C4orf50: variants seen among roughly 807,000 people sequenced by gnomAD.
C4orf50 encodes the protein uncharacterized protein C4orf50.
In C4orf50, 80 loss-of-function variants were observed where a neutral mutation model predicts 77.2. That is an observed-to-expected ratio of 1.04 (90% CI 0.87 to 1.25). The LOEUF is 1.25. Among genes scored for constraint, C4orf50 ranks in the 50% most tolerant of loss-of-function variants. The pLI is 0.00. For missense variants in C4orf50, 1,257 were observed against 1,152.9 expected (o/e 1.09, Z -1.31); for synonymous variants, 532 against 465.3 (o/e 1.14, Z -1.84).
rs1484225537 is a variant in C4orf50 at position 5,967,342 on chromosome 4, C to G, written c.4153+72G>C. ...AGTGGGCATCTCCCCTCTGGCCCACCTCTCACAGCGTCCTGCCGGCCTGGA... is the reference window on the plus strand; with the variant it reads ...AGTGGGCATCTCCCCTCTGGCCCACGTCTCACAGCGTCCTGCCGGCCTGGA... On this transcript the variant is annotated intron_variant, in intron 32 of 33. Transcript: ENST00000531445. 2.4e-6 allele frequency: 3 copies of G among 1,256,546 alleles called. No individual in the cohort carries two copies. The East Asian group carries it at 6.9e-5, about 29-fold the overall frequency. 77.8% of individuals were successfully genotyped at this position (1,256,546 alleles called of 1,614,324 possible).
chr4:6,009,162 C>T lies in C4orf50; in HGVS notation c.427-630G>A, dbSNP rs1400843103. The stretch of plus-strand genomic sequence containing the variant: ...AGGATGCCAAGCGCCTTGTATCTGA[C>T]TCAGGCCTTTTCTTCTTTCATCTGC... On this transcript the variant is annotated intron_variant, in intron 24 of 33. Coordinates refer to ENST00000531445, the Ensembl canonical transcript of C4orf50. This position sits in a 1 kb window ranked among gnomAD's most constrained non-coding sequence, Gnocchi z 5.6. Among the ~76,000 whole-genome samples the T allele has an allele frequency of 6.6e-6, 1 of 152,216 alleles. No individual in the cohort carries two copies. The highest frequency in any genetic ancestry group is 1.5e-5 in the Non-Finnish European group (1 of 68,046).
At chr4:5,944,965 A>G (rs896515963) in intron 7 of C4orf50, among the ~76,000 whole-genome samples, 1 of 152,204 alleles carries the variant, frequency 6.6e-6, no homozygotes, top group Non-Finnish European at 1.5e-5. Context: ...ACTGAGGCAC[A>G]GGGCCACCAA....
intron 31 of C4orf50, among the ~76,000 whole-genome samples, chr4:5,969,564 C>G (rs1275313579): frequency 6.6e-6 from 1 of 151,954 alleles, no homozygotes; most frequent in Non-Finnish European, 1.5e-5. Context: ...ATGCCCAAGG[C>G]CCCTGGCTGC....
chr4:5,994,331 C>T lies in C4orf50; in HGVS notation c.1093+16G>A, dbSNP rs914544061. On this transcript the variant is annotated intron_variant, in intron 26 of 33. Coordinates refer to ENST00000531445, the Ensembl canonical transcript of C4orf50. The stretch of plus-strand genomic sequence containing the variant: ...TGCCCGCGACTCGTCCTCCACGCAC[C>T]GCGGTACCCGCGCACCTGCTGGGGC... 7 of 399,116 alleles carry T rather than the reference C, an allele frequency of 1.8e-5. No homozygotes were observed. Among genetic ancestry groups the T allele is most frequent in the Non-Finnish European group, 2.2e-5 (5 of 226,194 alleles). The allele number at this position is 399,116 out of a possible 1,614,324, so 24.7% of individuals were successfully genotyped here.
At chr4:5,993,071 G>A in intron 26 of C4orf50, 141 bp from the exon 5 acceptor site, 1 of 393,914 alleles carries the variant, frequency 2.5e-6, no homozygotes, top group East Asian at 3.6e-5. Flanking sequence ...AGGGCAGCCT[G>A]ATGACCACCA....
At chr4:5,991,066 A>G (rs1003075052) in intron 27 of C4orf50, among the ~76,000 whole-genome samples, 2 of 152,212 alleles carry the variant, frequency 1.3e-5, no homozygotes, top group African/African-American at 2.4e-5. Context: ...TCACATCTCA[A>G]TGCAAATGTG....
At chr4:5,987,439 T>C (rs1387848456) in intron 28 of C4orf50, among the ~76,000 whole-genome samples, 120 of 100,098 alleles carry the variant, frequency 1.2e-3, no homozygotes, top group African/African-American at 4.1e-3. Context: ...AAAAAAAGAA[T>C]ACAATAAAGG....
At chr4:5,984,172 T>C (rs539235665) in intron 28 of C4orf50, among the ~76,000 whole-genome samples, 11 of 152,374 alleles carry the variant, frequency 7.2e-5, no homozygotes, top group African/African-American at 2.4e-4. Context: ...AAGAATAAGA[T>C]GATCTGCTGA....
downstream of C4orf50, among the ~76,000 whole-genome samples, chr4:5,953,912 C>T (rs1198249065): frequency 6.6e-6 from 1 of 152,250 alleles, no homozygotes; most frequent in South Asian, 2.1e-4. Flanking sequence ...GCACTGTTTC[C>T]TCTAGACAGG....
chr4:5,981,741 G>A (rs976407299), intron 28 of C4orf50, among the ~76,000 whole-genome samples: 3 of 152,150 alleles, frequency 2.0e-5, no homozygotes, highest in African/African-American at 7.2e-5. Flanking sequence ...TCATGCTGCT[G>A]AGGCGGCCTT....
Position 5,973,860 on chromosome 4 carries a change from A to T in C4orf50, c.3922-19T>A, listed in dbSNP as rs1270061539. 6.9e-6 allele frequency: 11 copies of T among 1,591,164 alleles called. No homozygotes were observed. Among genetic ancestry groups the T allele is most frequent in the Non-Finnish European group, 8.6e-6 (10 of 1,166,204 alleles). On this transcript the variant is annotated intron_variant, in intron 30 of 33. Transcript: ENST00000531445. Reference sequence around the variant, plus strand: ...TCTTGGCCTGAAAGGGAGGGAGGCCATGGATGCAGAGCTCCCACCAGGGCT... The same window carrying T: ...TCTTGGCCTGAAAGGGAGGGAGGCCTTGGATGCAGAGCTCCCACCAGGGCT...
intron 7 of C4orf50, among the ~76,000 whole-genome samples, chr4:5,914,976 T>C (rs572456403): frequency 1.7e-4 from 26 of 152,360 alleles, no homozygotes; most frequent in African/African-American, 6.3e-4. Context: ...GTCTGTCTGG[T>C]CACTTCCTTA....
chr4:5,969,174 G>C (rs1051098112), intron 31 of C4orf50, among the ~76,000 whole-genome samples: 5 of 152,104 alleles, frequency 3.3e-5, no homozygotes, highest in African/African-American at 9.7e-5. Context: ...ATGAAGACTT[G>C]TGCTACACTC....
intron 7 of C4orf50, among the ~76,000 whole-genome samples, chr4:5,941,089 C>A (rs1234056549): frequency 6.6e-6 from 1 of 152,152 alleles, no homozygotes; most frequent in Non-Finnish European, 1.5e-5. Context: ...AGCCAGTGAG[C>A]TTTAGGGTGG....
rs75797528 is a variant in C4orf50 at position 5,994,025 on chromosome 4, T to C, written c.1093+322A>G. Among the ~76,000 whole-genome samples, 38 of 152,038 alleles carry C rather than the reference T, an allele frequency of 2.5e-4. 1 individual carries two copies. The East Asian group carries it at 7.4e-3, about 30-fold the overall frequency. On this transcript the variant is annotated intron_variant, in intron 26 of 33. Coordinates refer to ENST00000531445, the Ensembl canonical transcript of C4orf50. ...CTCCTGGCCATCATACGGACTTCTG[T>C]GAAAGCATGTCCCTGCTGCCAACCT...
intron 7 of C4orf50, chr4:5,902,560 C>G (rs541783444): frequency 6.6e-6 from 1 of 152,328 alleles, no homozygotes; most frequent in African/African-American, 2.4e-5. Flanking sequence ...TGCTGGGTGC[C>G]AAGCCCTCTG....
chr4:5,942,617 C>T (rs140867475), intron 7 of C4orf50, among the ~76,000 whole-genome samples: 1 of 152,272 alleles, frequency 6.6e-6, no homozygotes, highest in East Asian at 1.9e-4. Context: ...AAGCACTTTA[C>T]ATATTTAGTT....
At chr4:5,933,997 G>A (rs1717887239) in intron 7 of C4orf50, among the ~76,000 whole-genome samples, 1 of 152,128 alleles carries the variant, frequency 6.6e-6, no homozygotes, top group Non-Finnish European at 1.5e-5. Flanking sequence ...AAGGGTGTCT[G>A]TGAGCGAGAA....
At chr4:5,982,128 G>A (rs1269366125) in intron 28 of C4orf50, among the ~76,000 whole-genome samples, 2 of 152,184 alleles carry the variant, frequency 1.3e-5, no homozygotes, top group African/African-American at 4.8e-5. Context: ...ACAGATGGGT[G>A]CTCTGAATGG....
Sources: gnomAD v4.1 joint callset for allele counts (sites outside exome capture counted in the v4.1 genomes callset) on GRCh38, gnomAD v4.1.1 for gene constraint, Gnocchi (gnomAD v3.1) non-coding constraint, MANE v1.5 for transcripts, NCBI Gene and HGNC (gene_info 2026-07-23, HGNC 2026-07-21) for gene names.